TTLL5: variants seen among roughly 807,000 people sequenced by gnomAD.
TTLL5 encodes the protein tubulin tyrosine ligase like 5.
Under a neutral mutation model 168.4 loss-of-function variants are expected in TTLL5, and 132 were observed. The observed-to-expected ratio is 0.78, with a 90% CI of 0.68 to 0.91. The LOEUF is 0.91. Among genes scored for constraint, TTLL5 ranks in the 40% least tolerant of loss-of-function variants. The pLI is 0.00. For missense variants in TTLL5, 1,545 were observed against 1,581.5 expected, an observed-to-expected ratio of 0.98 and a Z score of 0.39; for synonymous variants, 546 against 558.6, an observed-to-expected ratio of 0.98 and a Z score of 0.32.
intron 28 of TTLL5, chr14:75,835,602 T>C (rs1895823134): frequency 6.6e-6 from 1 of 152,220 alleles, no homozygotes. Flanking sequence ...TATTAAAATA[T>C]GTAGTTAAAC....
At chr14:75,702,525 T>G (rs1886344203) in intron 7 of TTLL5, among the ~76,000 whole-genome samples, 1 of 152,216 alleles carries the variant, frequency 6.6e-6, no homozygotes, top group Admixed American at 6.5e-5. Context: ...TTTTTTCTTT[T>G]GGAATGCTTT....
intron 27 of TTLL5, 46 bp downstream of exon 27, chr14:75,793,146 A>G (rs368952401): frequency 4.8e-5 from 71 of 1,470,096 alleles, no homozygotes; most frequent in Non-Finnish European, 5.6e-5. Context: ...ACCTGAGGAT[A>G]GAATTAATGA....
intron 15 of TTLL5, chr14:75,737,669 T>C: frequency 6.7e-7 from 1 of 1,483,048 alleles, no homozygotes; most frequent in Non-Finnish European, 9.0e-7. Context: ...AATGGAAAGT[T>C]TTTTAGCTTT....
At chr14:75,856,105 G>A (rs1179836633) in intron 28 of TTLL5, among the ~76,000 whole-genome samples, 1 of 152,232 alleles carries the variant, frequency 6.6e-6, no homozygotes, top group African/African-American at 2.4e-5. Context: ...GCTCATGCCT[G>A]TAATCCCAGC....
intron 28 of TTLL5, among the ~76,000 whole-genome samples, chr14:75,846,936 GT>G (rs1192626613): frequency 6.6e-6 from 1 of 152,028 alleles, no homozygotes; most frequent in East Asian, 1.9e-4. Flanking sequence ...CTTGGCAAGT[GT>G]AATGTCTGAA....
chr14:75,681,456 T>C, intron 3 of TTLL5, 89 bp from the exon 4 acceptor site: 6 of 978,904 alleles, frequency 6.1e-6, no homozygotes, highest in Admixed American at 1.8e-5. Flanking sequence ...TGTAATGTTA[T>C]TGAGTATAAT....
intron 2 of TTLL5, among the ~76,000 whole-genome samples, chr14:75,668,460 G>A (rs752026551): frequency 4.6e-5 from 7 of 152,102 alleles, no homozygotes; most frequent in Non-Finnish European, 8.8e-5. Flanking sequence ...CACATAGTAG[G>A]GACTCAGTTC....
At chr14:75,794,623 A>G (rs979704254) in intron 27 of TTLL5, among the ~76,000 whole-genome samples, 2 of 152,142 alleles carry the variant, frequency 1.3e-5, no homozygotes, top group Non-Finnish European at 1.5e-5. Flanking sequence ...TTTCGTCTAT[A>G]AAGAACTTCA....
intron 31 of TTLL5, among the ~76,000 whole-genome samples, chr14:75,928,450 C>T (rs1340391153): frequency 6.7e-6 from 1 of 148,230 alleles, no homozygotes; most frequent in African/African-American, 2.5e-5. Context: ...TTTCACAAAC[C>T]TCAGCTTTTA....
At chr14:75,773,927 TAG>T (rs1266575647) in intron 21 of TTLL5, among the ~76,000 whole-genome samples, 107 of 21,082 alleles carry the variant, frequency 5.1e-3, no homozygotes, top group African/African-American at 7.9e-3. Context: ...TATATATATA[TAG>T]AGAGAGAGAG....
intron 30 of TTLL5, among the ~76,000 whole-genome samples, chr14:75,884,994 C>T (rs1258482267): frequency 6.7e-6 from 1 of 149,386 alleles, no homozygotes; most frequent in Non-Finnish European, 1.5e-5. Flanking sequence ...CATGGTGAAA[C>T]CCTGTCTCTA....
At chr14:75,927,865 C>T (rs752818990) in intron 31 of TTLL5, among the ~76,000 whole-genome samples, 1 of 152,172 alleles carries the variant, frequency 6.6e-6, no homozygotes, top group Non-Finnish European at 1.5e-5. Context: ...TTCAAATCCA[C>T]GAAAGAGCAG....
At chr14:75,892,172 T>A (rs2032432946) in intron 30 of TTLL5, among the ~76,000 whole-genome samples, 1 of 152,234 alleles carries the variant, frequency 6.6e-6, no homozygotes, top group South Asian at 2.1e-4. Context: ...AGTTACTGAC[T>A]TCCAGGCCAG....
intron 28 of TTLL5, among the ~76,000 whole-genome samples, chr14:75,849,025 C>G (rs946035572): frequency 2.8e-4 from 42 of 152,198 alleles, no homozygotes; most frequent in Non-Finnish European, 1.8e-4. Flanking sequence ...TCAGGTCCAG[C>G]TGGCTGGAAT....
At position 75,924,889 on chromosome 14, in the gene TTLL5, T is replaced by A. The variant is rs145054799; in HGVS notation, c.3823+22665T>A. ...GCAGAGGCGCCCCTCACCTCCCGGA[T>A]GGGGCGGCTGGTCGGGCGGGGGGCT... is the stretch of plus-strand genomic sequence containing the variant. On this transcript the variant is annotated intron_variant, in intron 31 of 31. Coordinates refer to ENST00000298832, the MANE Select transcript of TTLL5 (RefSeq NM_015072.5). Among the ~76,000 whole-genome samples the A allele has an allele frequency of 9.9e-4, 128 of 129,728 alleles. 2 individuals carry two copies. Among genetic ancestry groups the A allele is most frequent in the Non-Finnish European group, 1.5e-3 (89 of 59,666 alleles). The allele number at this position is 129,728 out of a possible 152,430, so 85.1% of individuals were successfully genotyped here. A position where few individuals can be genotyped will look rare whatever the true frequency, so the allele number is the denominator to read the frequency against.
Position 75,882,845 on chromosome 14 carries a change from A to G in TTLL5, c.3683A>G (p.Lys1228Arg), listed in dbSNP as rs1173783279. ...AGTTCTTGCGCCTCCCTGGTTCCCA[A>G]ACCCCCACCCAACCACGAACAAGTG... ...PPSSCASLVP[K>R]PPPNHEQVLR... The change falls in exon 30 of 32, where the codon AAA becomes AGA. Residue 1228 changes from lysine to arginine, a missense_variant. Coordinates refer to ENST00000298832, the MANE Select transcript of TTLL5 (RefSeq NM_015072.5). 1.2e-6 allele frequency: 2 copies of G among 1,614,038 alleles called. No individual in the cohort carries two copies. The highest frequency in any genetic ancestry group is 1.7e-6 in the Non-Finnish European group (2 of 1,180,030).
At chr14:75,862,210 G>A (rs2030073990) in intron 28 of TTLL5, among the ~76,000 whole-genome samples, 1 of 152,180 alleles carries the variant, frequency 6.6e-6, no homozygotes, top group Non-Finnish European at 1.5e-5. Flanking sequence ...TTAAGCCTGA[G>A]TAATATTGTA....
intron 21 of TTLL5, 68 bp from the exon 22 acceptor site, chr14:75,775,416 A>G (rs1442265339): frequency 3.8e-6 from 6 of 1,563,742 alleles, no homozygotes; most frequent in Admixed American, 3.6e-5. Flanking sequence ...TAATGCCTTC[A>G]TAGCTTGTCT....
chr14:75,873,926 A>G (rs71431110), intron 29 of TTLL5, among the ~76,000 whole-genome samples: 167 of 152,344 alleles, frequency 1.1e-3, no homozygotes, highest in Non-Finnish European at 2.1e-3. Context: ...GGAGAAGCCC[A>G]AGGCTCATTA....
Sources: gnomAD v4.1 joint callset for allele counts (sites outside exome capture counted in the v4.1 genomes callset) on GRCh38, gnomAD v4.1.1 for gene constraint, MANE v1.5 for transcripts, NCBI Gene and HGNC (gene_info 2026-07-23, HGNC 2026-07-21) for gene names.